PCDHGA2: variants seen among roughly 807,000 people sequenced by gnomAD.
PCDHGA2 encodes the protein protocadherin gamma subfamily A, 2, also known as protocadherin gamma-A2.
PCDHGA2 carries 40 observed loss-of-function variants against 59.2 expected under a neutral mutation model. The ratio of observed to expected loss-of-function variants is 0.68; its 90% CI spans 0.52 to 0.88. The LOEUF is 0.88. PCDHGA2 is among the 40% of genes least tolerant of loss of function. The pLI, the probability that PCDHGA2 is intolerant of heterozygous loss-of-function variation, is 0.00. For synonymous variants in PCDHGA2, 560 were observed against 526.0 expected, an observed-to-expected ratio of 1.06 and a Z score of -0.89; for missense variants, 1,226 against 1,204.0, an observed-to-expected ratio of 1.02 and a Z score of -0.27.
intron 1 of PCDHGA2, chr5:141,352,117 G>C (rs1437830305): frequency 1.6e-5 from 25 of 1,608,576 alleles, no homozygotes; most frequent in Middle Eastern, 2.0e-4. Context: ...GGTTGCGCAC[G>C]GGTGAGGTGC....
At chr5:141,503,804 G>A (rs2099831736) in intron 2 of PCDHGA2, among the ~76,000 whole-genome samples, 1 of 152,034 alleles carries the variant, frequency 6.6e-6, no homozygotes, top group South Asian at 2.1e-4. Flanking sequence ...TAGGGACGGG[G>A]AATCCCAGAT....
At chr5:141,346,495 A>G (rs1256141676) in intron 1 of PCDHGA2, 2 of 1,612,164 alleles carry the variant, frequency 1.2e-6, no homozygotes, top group Admixed American at 3.3e-5. Flanking sequence ...AAGAACAAAT[A>G]TGAGAATGTG....
At chr5:141,371,896 T>G (rs760450150) in intron 1 of PCDHGA2, 14 of 1,613,426 alleles carry the variant, frequency 8.7e-6, no homozygotes, top group Non-Finnish European at 1.1e-5. Flanking sequence ...CCGCGGGAGC[T>G]GTCGTCCTAC....
At chr5:141,495,175 C>T (rs1337353259) in intron 2 of PCDHGA2, among the ~76,000 whole-genome samples, 1 of 152,182 alleles carries the variant, frequency 6.6e-6, no homozygotes, top group Admixed American at 6.5e-5. Context: ...TGGGTGAAAG[C>T]GAGGCTTTCT....
chr5:141,351,441 C>A, intron 1 of PCDHGA2: 1 of 1,612,464 alleles, frequency 6.2e-7, no homozygotes, highest in South Asian at 1.1e-5. Flanking sequence ...GAATCCACCT[C>A]GAAGAATTAT....
chr5:141,420,357 CT>C, intron 1 of PCDHGA2: 1 of 1,376,278 alleles, frequency 7.3e-7, no homozygotes, highest in Non-Finnish European at 9.6e-7. Context: ...TTTTAAGATT[CT>C]AGATAACTTC....
intron 1 of PCDHGA2, among the ~76,000 whole-genome samples, chr5:141,469,568 T>C (rs942597017): frequency 6.6e-6 from 1 of 152,184 alleles, no homozygotes. Flanking sequence ...AGTGAGACTC[T>C]GTCTCTAAAT....
At chr5:141,442,947 C>T (rs185574624) in intron 1 of PCDHGA2, among the ~76,000 whole-genome samples, 92 of 152,282 alleles carry the variant, frequency 6.0e-4, no homozygotes, top group African/African-American at 1.7e-3. Flanking sequence ...AACTTCCTCT[C>T]ACTGCAAAAA....
intron 1 of PCDHGA2, chr5:141,371,091 G>A (rs1414973980): frequency 8.7e-6 from 14 of 1,613,670 alleles, no homozygotes; most frequent in Non-Finnish European, 1.1e-5. Context: ...GGTAATTGTC[G>A]CAGATGCAAA....
chr5:141,437,307 G>A (rs1172152732), intron 1 of PCDHGA2, among the ~76,000 whole-genome samples: 7 of 152,120 alleles, frequency 4.6e-5, no homozygotes, highest in South Asian at 2.1e-4. Context: ...AAGTTAAAGC[G>A]TTCAGCTATA....
At chr5:141,366,550 T>G in intron 1 of PCDHGA2, 2 of 1,614,254 alleles carry the variant, frequency 1.2e-6, no homozygotes, top group Non-Finnish European at 8.5e-7. Context: ...CCTCGCACTT[T>G]GTGGGCGTGG....
At chr5:141,427,840 A>C (rs779622800) in intron 1 of PCDHGA2, 8 of 1,548,180 alleles carry the variant, frequency 5.2e-6, no homozygotes, top group Admixed American at 3.3e-5. Flanking sequence ...CGTGCCTTCG[A>C]CCACGAGCAG....
intron 1 of PCDHGA2, chr5:141,357,596 A>AAACAAAAGG: frequency 6.2e-7 from 1 of 1,614,148 alleles, no homozygotes; most frequent in Non-Finnish European, 8.5e-7. Context: ...GATTTACTTG[A>AAACAAAAGG]AACAAAAGGA....
rs560662076 is a variant in PCDHGA2, at chr5:141,498,856, C to A, written c.2483+3991C>A. Among the ~76,000 whole-genome samples, 72 of 152,004 alleles carry A rather than the reference C, an allele frequency of 4.7e-4. 2 individuals carry two copies. Among genetic ancestry groups the A allele is most frequent in the African/African-American group, 1.7e-3 (69 of 41,430 alleles). ...GCTGAGGCAGGGGAATCGCTTGAACCCAGGAGGCGGAGGTTGCAGTGAGCT... is the reference window on the plus strand; with the variant it reads ...GCTGAGGCAGGGGAATCGCTTGAACACAGGAGGCGGAGGTTGCAGTGAGCT... On this transcript the variant is annotated intron_variant, in intron 2 of 3. Coordinates refer to ENST00000394576, the MANE Select transcript of PCDHGA2 (RefSeq NM_018915.4).
At chr5:141,365,912 C>G in intron 1 of PCDHGA2, 1 of 1,614,238 alleles carries the variant, frequency 6.2e-7, no homozygotes, top group Non-Finnish European at 8.5e-7. Flanking sequence ...GTTGAGAGAC[C>G]TACAGTTGTG....
Position 141,511,065 on chromosome 5 carries a change from C to T in PCDHGA2, c.2691C>T (p.Ile897=). Residue 897 remains isoleucine, a synonymous_variant, in exon 4 of 4, where the codon ATC becomes ATT. Transcript: ENST00000394576. ...HVPDYRQNVY[I]PGSNATLTNA... ...CCGACTACCGCCAGAATGTCTACATCCCAGGCAGCAATGCCACACTGACCA... is the reference window on the plus strand; with the variant it reads ...CCGACTACCGCCAGAATGTCTACATTCCAGGCAGCAATGCCACACTGACCA... The T allele has an allele frequency of 6.2e-7, 1 of 1,614,222 alleles. No individual in the cohort carries two copies. Among genetic ancestry groups the T allele is most frequent in the Middle Eastern group, 1.6e-4 (1 of 6,062 alleles).
intron 1 of PCDHGA2, among the ~76,000 whole-genome samples, chr5:141,454,907 A>T (rs1304287479): frequency 1.4e-5 from 2 of 139,080 alleles, no homozygotes; most frequent in East Asian, 4.3e-4. Context: ...TCCCGGGTTC[A>T]CGCCATTCTC....
At position 141,389,059 on chromosome 5, in the gene PCDHGA2, T is replaced by C. The variant is rs773183818; in HGVS notation, c.2424+47664T>C. The stretch of plus-strand genomic sequence containing the variant: ...TTGGAAGGTGATGTTCCATTTAAAA[T>C]ATTAACTTCTTCAAGAAACACGTAT... On this transcript the variant is annotated intron_variant, in intron 1 of 3. Transcript: ENST00000394576. 4 of 1,613,988 alleles carry C rather than the reference T, an allele frequency of 2.5e-6. No individual in the cohort carries two copies. In the South Asian group the frequency reaches 4.4e-5, roughly 18 times the overall value.
intron 1 of PCDHGA2, chr5:141,399,437 A>G (rs780100815): frequency 3.7e-5 from 59 of 1,613,998 alleles, no homozygotes; most frequent in East Asian, 6.7e-5. Flanking sequence ...GTCATCCTAC[A>G]TATCAGAGAC....
Sources: allele counts gnomAD v4.1 joint callset (sites outside exome capture counted in the v4.1 genomes callset), GRCh38; gene constraint gnomAD v4.1.1; transcripts MANE v1.5; gene names NCBI Gene and HGNC (gene_info 2026-07-23, HGNC 2026-07-21).